FGF12: variants seen among roughly 807,000 people sequenced by gnomAD.
FGF12 encodes fibroblast growth factor 12B.
FGF12 carries 14 observed loss-of-function variants against 23.6 expected under a neutral mutation model. The ratio of observed to expected loss-of-function variants is 0.59; its 90% CI spans 0.39 to 0.93. The LOEUF is 0.93. Among genes scored for constraint, FGF12 ranks in the 40% least tolerant of loss-of-function variants. The pLI is 0.00. For missense variants in FGF12, 175 were observed against 217.8 expected (o/e 0.80, Z 1.24); for synonymous variants, 62 against 77.3 (o/e 0.80, Z 1.04).
intron 2 of FGF12, among the ~76,000 whole-genome samples, chr3:192,513,217 T>A (rs1724548030): frequency 6.6e-6 from 1 of 152,162 alleles, no homozygotes; most frequent in Non-Finnish European, 1.5e-5. Context: ...ATATCTCTAC[T>A]GGCTTCTTGA....
At chr3:192,254,056 C>T (rs6775984) in intron 4 of FGF12, among the ~76,000 whole-genome samples, 72,318 of 151,522 alleles carry the variant, frequency 0.48, 18,555 homozygotes, top group East Asian at 0.99. Flanking sequence ...TCCACTCTCT[C>T]AGTGATTTTC....
chr3:192,410,227 T>A (rs1721153909), intron 2 of FGF12, among the ~76,000 whole-genome samples: 1 of 152,230 alleles, frequency 6.6e-6, no homozygotes, highest in South Asian at 2.1e-4. Context: ...TTCCCTTTCC[T>A]GGAGCCCTCC....
At chr3:192,576,773 A>G (rs575418170) in intron 2 of FGF12, among the ~76,000 whole-genome samples, 9 of 152,328 alleles carry the variant, frequency 5.9e-5, no homozygotes, top group African/African-American at 2.2e-4. Flanking sequence ...TTATTGCGGC[A>G]CTATTCACAA....
intron 5 of FGF12, among the ~76,000 whole-genome samples, chr3:192,145,178 T>C (rs919584748): frequency 2.0e-5 from 3 of 152,230 alleles, no homozygotes; most frequent in Admixed American, 2.0e-4. Context: ...CACATTTTCA[T>C]AAATGAAAAA....
intron 4 of FGF12, among the ~76,000 whole-genome samples, chr3:192,230,117 A>C (rs1718947830): frequency 2.0e-5 from 3 of 152,268 alleles, no homozygotes; most frequent in African/African-American, 7.2e-5. Context: ...ACACTTACTG[A>C]ATCAGAATAT....
chr3:192,222,705 A>G (rs1178992483), intron 4 of FGF12, among the ~76,000 whole-genome samples: 2 of 152,160 alleles, frequency 1.3e-5, no homozygotes, highest in Non-Finnish European at 2.9e-5. Context: ...AATCTTAAGA[A>G]TATACTGACT....
intron 2 of FGF12, among the ~76,000 whole-genome samples, chr3:192,659,314 A>T (rs1716565349): frequency 6.6e-6 from 1 of 152,208 alleles, no homozygotes; most frequent in Non-Finnish European, 1.5e-5. Flanking sequence ...AATGAAAACT[A>T]AACTGATAAT....
At chr3:192,312,033 G>C (rs761672243) in intron 4 of FGF12, among the ~76,000 whole-genome samples, 3 of 151,500 alleles carry the variant, frequency 2.0e-5, no homozygotes, top group Admixed American at 1.3e-4. Context: ...TTATTACTGA[G>C]TTATAAGAGT....
chr3:192,269,387 C>T (rs759775815), intron 4 of FGF12, among the ~76,000 whole-genome samples: 10 of 152,118 alleles, frequency 6.6e-5, no homozygotes, highest in African/African-American at 9.7e-5. Context: ...AATGTAGATA[C>T]AGCCATTTGT....
intron 2 of FGF12, among the ~76,000 whole-genome samples, chr3:192,436,386 G>T (rs906109376): frequency 6.6e-6 from 1 of 152,182 alleles, no homozygotes; most frequent in African/African-American, 2.4e-5. Flanking sequence ...ATCAAGTGGA[G>T]GGCTTAGTAA....
intron 2 of FGF12, among the ~76,000 whole-genome samples, chr3:192,533,617 G>C (rs972706454): frequency 6.6e-6 from 1 of 152,146 alleles, no homozygotes; most frequent in Non-Finnish European, 1.5e-5. Context: ...GCCTGCACTT[G>C]CTTTACTTGG....
At chr3:192,476,937 C>G (rs74739889) in intron 2 of FGF12, among the ~76,000 whole-genome samples, 1,926 of 152,154 alleles carry the variant, frequency 0.013, 44 homozygotes, top group African/African-American at 0.044. Flanking sequence ...CAGACTAGAT[C>G]CCAAAAGGAT....
rs570010670 is a variant in FGF12, at chr3:192,635,151, C to T, written c.13+92030G>A. Among the ~76,000 whole-genome samples, 15 of 152,270 alleles carry T rather than the reference C, an allele frequency of 9.9e-5. No homozygotes were observed. The East Asian group carries it at 1.5e-3, about 16-fold the overall frequency. The stretch of plus-strand genomic sequence containing the variant: ...CTGGGGTTACAGGCATGAGCCACCA[C>T]GCCTGACGGAGAATAATTTTTAAAA... On this transcript the variant is annotated intron_variant, in intron 2 of 5. Transcript: ENST00000445105.
At chr3:192,226,499 T>G (rs1339339630) in intron 4 of FGF12, among the ~76,000 whole-genome samples, 4 of 152,152 alleles carry the variant, frequency 2.6e-5, no homozygotes, top group Non-Finnish European at 5.9e-5. Flanking sequence ...AGCACACATC[T>G]ATGTATAATG....
chr3:192,578,563 GA>G, intron 2 of FGF12, among the ~76,000 whole-genome samples: 1 of 152,156 alleles, frequency 6.6e-6, no homozygotes, highest in Admixed American at 6.5e-5. Context: ...TTGTAAGTAG[GA>G]AGTGTGTCTT....
At chr3:192,160,480 A>C (rs1577188242) in intron 5 of FGF12, among the ~76,000 whole-genome samples, 1 of 152,212 alleles carries the variant, frequency 6.6e-6, no homozygotes, top group Non-Finnish European at 1.5e-5. Context: ...AATTTCATTC[A>C]GATTACTGTT....
intron 2 of FGF12, among the ~76,000 whole-genome samples, chr3:192,431,896 C>T (rs1380720360): frequency 6.6e-6 from 1 of 152,166 alleles, no homozygotes; most frequent in Non-Finnish European, 1.5e-5. Flanking sequence ...ACTACAGCCT[C>T]TCCTTCATGT....
intron 2 of FGF12, among the ~76,000 whole-genome samples, chr3:192,520,496 A>G (rs943282651): frequency 6.6e-6 from 1 of 152,212 alleles, no homozygotes; most frequent in Non-Finnish European, 1.5e-5. Flanking sequence ...ACTTTACAGT[A>G]TCCAATCAAA....
At chr3:192,381,696 C>T (rs1285964561) in intron 2 of FGF12, among the ~76,000 whole-genome samples, 1 of 152,004 alleles carries the variant, frequency 6.6e-6, no homozygotes, top group Non-Finnish European at 1.5e-5. Flanking sequence ...GAGTACGTGT[C>T]AGAAAAAATG....
Sources: allele counts gnomAD v4.1 joint callset (sites outside exome capture counted in the v4.1 genomes callset), GRCh38; gene constraint gnomAD v4.1.1; transcripts MANE v1.5; gene names NCBI Gene and HGNC (gene_info 2026-07-23, HGNC 2026-07-21).